Variants in NAV2 observed in about 807,000 individuals in gnomAD.
NAV2 encodes neuron navigator 2.
In NAV2, 54 loss-of-function variants were observed where a neutral mutation model predicts 223.2. The ratio of observed to expected loss-of-function variants is 0.24; its 90% CI spans 0.19 to 0.30. The LOEUF (loss-of-function observed/expected upper bound fraction) is 0.30, where lower values mean the gene tolerates loss of function less well. Ranked by LOEUF, NAV2 falls within the 10% of genes least tolerant of loss-of-function variation. The pLI, the probability that NAV2 is intolerant of heterozygous loss-of-function variation, is 1.00. For missense variants in NAV2, 2,806 were observed against 3,147.5 expected (o/e 0.89, Z 2.60); for synonymous variants, 1,279 against 1,239.3 (o/e 1.03, Z -0.67).
chr11:20,108,802 G>A (rs2062385934), intron 36 of NAV2, among the ~76,000 whole-genome samples: 1 of 152,182 alleles, frequency 6.6e-6, no homozygotes. Context: ...TTAACTGGAA[G>A]CTTACCATTA....
At chr11:19,956,974 A>T (rs183718907) in intron 10 of NAV2, among the ~76,000 whole-genome samples, 2 of 152,192 alleles carry the variant, frequency 1.3e-5, no homozygotes, top group Non-Finnish European at 2.9e-5. Flanking sequence ...GGGGTTTGCT[A>T]TGAATAACAA....
At chr11:19,751,000 C>A (rs1262996014) in intron 1 of NAV2, among the ~76,000 whole-genome samples, 1 of 152,212 alleles carries the variant, frequency 6.6e-6, no homozygotes, top group Non-Finnish European at 1.5e-5. Flanking sequence ...CTGGTACTAT[C>A]TCTTGAGAGC....
chr11:19,486,315 G>C (rs546280436), intron 1 of NAV2, among the ~76,000 whole-genome samples: 1 of 152,076 alleles, frequency 6.6e-6, no homozygotes. Context: ...GGCCTTCCTC[G>C]TCATTTTTTC....
chr11:19,594,055 AGGTTAGCACTCTGTGTG>A (rs1487940845), intron 1 of NAV2, among the ~76,000 whole-genome samples: 3 of 152,146 alleles, frequency 2.0e-5, no homozygotes, highest in African/African-American at 7.2e-5. Context: ...GGGCACTGAG[AGGTTAGCACTCTGTGTG>A]GCACACAGCA....
intron 1 of NAV2, among the ~76,000 whole-genome samples, chr11:19,783,289 C>G (rs956543701): frequency 6.6e-6 from 1 of 152,218 alleles, no homozygotes; most frequent in East Asian, 1.9e-4. Flanking sequence ...TGAAGTCCAA[C>G]TCCTTTGTGG....
rs191092771 is a variant in NAV2 at position 19,426,612 on chromosome 11, T to C, written c.75+75585T>C. Among the ~76,000 whole-genome samples the C allele has an allele frequency of 1.3e-3, 199 of 152,242 alleles. 1 individual carries two copies. Among genetic ancestry groups the C allele is most frequent in the African/African-American group, 4.5e-3 (185 of 41,544 alleles). On this transcript the variant is annotated intron_variant, in intron 1 of 37. Transcript: ENST00000360655. ...GGAAACTTGCCAAGAGAGGAATATG[T>C]TTTGGGGTTCAGGGAGAGGGAAACC...
chr11:19,409,617 G>T (rs929051101), intron 1 of NAV2, among the ~76,000 whole-genome samples: 1 of 152,112 alleles, frequency 6.6e-6, no homozygotes, highest in Non-Finnish European at 1.5e-5. Context: ...TGGTCTGAGC[G>T]GCCGTTCATT....
At chr11:19,459,930 C>G (rs1852095367) in intron 1 of NAV2, among the ~76,000 whole-genome samples, 1 of 152,100 alleles carries the variant, frequency 6.6e-6, no homozygotes, top group African/African-American at 2.4e-5. Flanking sequence ...GGAGAAGATG[C>G]CCTTCCAAGA....
intron 1 of NAV2, among the ~76,000 whole-genome samples, chr11:19,781,321 A>T (rs1277182366): frequency 6.6e-6 from 1 of 152,126 alleles, no homozygotes; most frequent in African/African-American, 2.4e-5. Flanking sequence ...TCACTGCTGC[A>T]GTTCTCTCTG....
chr11:20,115,661 C>T (rs978156071), intron 37 of NAV2, among the ~76,000 whole-genome samples: 3 of 145,818 alleles, frequency 2.1e-5, no homozygotes, highest in Non-Finnish European at 3.0e-5. Context: ...AAAAAGCACC[C>T]GGGCTGGGTG....
At chr11:19,741,119 TC>T (rs1374778638) in intron 1 of NAV2, among the ~76,000 whole-genome samples, 4 of 152,218 alleles carry the variant, frequency 2.6e-5, no homozygotes, top group Non-Finnish European at 5.9e-5. Context: ...GGCCTTAGCC[TC>T]CCCCTTACAG....
chr11:20,043,291 G>A (rs186180314), intron 12 of NAV2, among the ~76,000 whole-genome samples: 1 of 152,154 alleles, frequency 6.6e-6, no homozygotes, highest in Non-Finnish European at 1.5e-5. Context: ...GAGATCAGCC[G>A]CCAGAGTTGG....
At chr11:19,906,540 C>T (rs1231137845) in intron 6 of NAV2, among the ~76,000 whole-genome samples, 1 of 152,156 alleles carries the variant, frequency 6.6e-6, no homozygotes, top group East Asian at 1.9e-4. Context: ...TCTCTTTCCA[C>T]TGTAGTTGCA....
chr11:20,105,874 A>G, intron 35 of NAV2, 147 bp downstream of exon 35: 3 of 640,894 alleles, frequency 4.7e-6, no homozygotes. Flanking sequence ...GGACAGTCAC[A>G]GACCAGGTAG....
intron 1 of NAV2, among the ~76,000 whole-genome samples, chr11:19,584,839 A>G (rs1287907755): frequency 6.6e-6 from 1 of 152,194 alleles, no homozygotes; most frequent in African/African-American, 2.4e-5. Context: ...GTGGTGCTGA[A>G]AAGAATGTAT....
In NAV2 at chr11:20,040,131, A is replaced by G. The variant is rs968931371; in HGVS notation, c.2908-3850A>G. ...GGCAGGCGATGATGTTGATGCAGAT[A>G]ATTATCTCCATGGTCACTGGGGCTT... On this transcript the variant is annotated intron_variant, in intron 12 of 37. Transcript: ENST00000349880. 3.9e-5 allele frequency among the ~76,000 whole-genome samples: 6 copies of G among 152,298 alleles called. No individual in the cohort carries two copies. The South Asian group carries it at 1.2e-3, about 32-fold the overall frequency.
intron 1 of NAV2, among the ~76,000 whole-genome samples, chr11:19,760,824 T>C (rs58545039): frequency 0.041 from 6,161 of 151,942 alleles, 403 homozygotes; most frequent in African/African-American, 0.14. Flanking sequence ...GGAGAAAAAA[T>C]AGTAACGAAT....
intron 1 of NAV2, among the ~76,000 whole-genome samples, chr11:19,646,845 C>G (rs961537941): frequency 1.3e-5 from 2 of 152,136 alleles, no homozygotes; most frequent in African/African-American, 4.8e-5. Flanking sequence ...CAAAATCACA[C>G]AGCTTGAATG....
intron 1 of NAV2, among the ~76,000 whole-genome samples, chr11:19,437,683 T>G (rs981585867): frequency 6.6e-6 from 1 of 150,916 alleles, no homozygotes; most frequent in African/African-American, 2.4e-5. Context: ...GGTTATAACA[T>G]TCACTATGAT....
Sources: allele counts gnomAD v4.1 joint callset (sites outside exome capture counted in the v4.1 genomes callset), GRCh38; gene constraint gnomAD v4.1.1; transcripts MANE v1.5; gene names NCBI Gene and HGNC (gene_info 2026-07-23, HGNC 2026-07-21).